Variants in TPST1 observed in about 807,000 individuals in gnomAD.
The protein encoded by TPST1 is protein-tyrosine sulfotransferase 1.
TPST1 carries 20 observed loss-of-function variants against 34.8 expected under a neutral mutation model. That is an observed-to-expected ratio of 0.57 (90% CI 0.40 to 0.84). The LOEUF (loss-of-function observed/expected upper bound fraction) is 0.84. TPST1 is among the 40% of genes least tolerant of loss of function. The pLI is 0.00. For missense variants in TPST1, 353 were observed against 455.5 expected, an observed-to-expected ratio of 0.78 and a Z score of 2.05; for synonymous variants, 152 against 159.4, an observed-to-expected ratio of 0.95 and a Z score of 0.35.
At chr7:66,218,380 A>C (rs755621794) in intron 1 of TPST1, among the ~76,000 whole-genome samples, 2 of 152,228 alleles carry the variant, frequency 1.3e-5, no homozygotes, top group African/African-American at 2.4e-5. Context: ...ATGATAAATC[A>C]TACTCATTTA....
chr7:66,251,403 A>G (rs996996933), intron 2 of TPST1, among the ~76,000 whole-genome samples: 1 of 152,192 alleles, frequency 6.6e-6, no homozygotes, highest in African/African-American at 2.4e-5. Flanking sequence ...TTTATTGTCG[A>G]ACGCTTATGC....
At chr7:66,314,382 G>T (rs532894677) in intron 3 of TPST1, among the ~76,000 whole-genome samples, 1 of 152,288 alleles carries the variant, frequency 6.6e-6, no homozygotes, top group African/African-American at 2.4e-5. Flanking sequence ...TGGACTGGTG[G>T]CATGTGCCTC....
rs945897264 is a variant in TPST1, at chr7:66,206,122, G to A, written c.-102+600G>A. Among the ~76,000 whole-genome samples, 57 of 97,556 alleles carry A rather than the reference G, an allele frequency of 5.8e-4. 1 individual carries two copies. The highest frequency in any genetic ancestry group is 8.9e-4 in the Non-Finnish European group (47 of 53,080). 64.0% of individuals were successfully genotyped at this position (97,556 alleles called of 152,430 possible). A position where few individuals can be genotyped will look rare whatever the true frequency, so the allele number is the denominator to read the frequency against. On this transcript the variant is annotated intron_variant, in intron 1 of 5. Coordinates refer to ENST00000304842, the MANE Select transcript of TPST1 (RefSeq NM_003596.4). ...CACTCTCTGCAATGCCGGATTCATCGCTTTTTTTTTTTTTTTTTTTGAGAG... is the reference window on the plus strand; with the variant it reads ...CACTCTCTGCAATGCCGGATTCATCACTTTTTTTTTTTTTTTTTTTGAGAG...
rs181621743 is a variant in TPST1, at chr7:66,263,297, G to A, written c.845+22027G>A. Among the ~76,000 whole-genome samples, 382 of 152,202 alleles carry A rather than the reference G, an allele frequency of 2.5e-3. 2 individuals are homozygous for A. Among genetic ancestry groups the A allele is most frequent in the Admixed American group, 0.021 (314 of 15,278 alleles). Reference sequence around the variant, plus strand: ...GTAGTATTGACAAAATTTAATACTAGGATCAAGATTGCTTGTGCACAAAGC... The same window carrying A: ...GTAGTATTGACAAAATTTAATACTAAGATCAAGATTGCTTGTGCACAAAGC... On this transcript the variant is annotated intron_variant, in intron 2 of 5. Transcript: ENST00000304842.
chr7:66,243,956 T>C (rs1358025551), intron 2 of TPST1, among the ~76,000 whole-genome samples: 3 of 148,390 alleles, frequency 2.0e-5, no homozygotes, highest in African/African-American at 5.0e-5. Context: ...TTTTTTTTTT[T>C]TTTTTTCTTC....
intron 3 of TPST1, among the ~76,000 whole-genome samples, chr7:66,298,140 A>G (rs1329512530): frequency 6.6e-6 from 1 of 152,186 alleles, no homozygotes; most frequent in Non-Finnish European, 1.5e-5. Context: ...AGTTGAAAAA[A>G]TATGTATTCT....
intron 2 of TPST1, among the ~76,000 whole-genome samples, chr7:66,277,914 A>G (rs769313607): frequency 2.0e-5 from 3 of 152,044 alleles, no homozygotes; most frequent in Non-Finnish European, 4.4e-5. Context: ...AGCCTGGCCA[A>G]CATGGCGAAA....
intron 3 of TPST1, among the ~76,000 whole-genome samples, chr7:66,302,767 A>G (rs934159395): frequency 6.6e-6 from 1 of 152,212 alleles, no homozygotes; most frequent in African/African-American, 2.4e-5. Context: ...GCTTTACAGA[A>G]AAGTATGAAG....
At chr7:66,253,949 T>G (rs6951503) in intron 2 of TPST1, among the ~76,000 whole-genome samples, 96,368 of 144,772 alleles carry the variant, frequency 0.67, 32,343 homozygotes, top group African/African-American at 0.76. Flanking sequence ...GTTGCAGTGA[T>G]CCAAGATTGT....
chr7:66,305,682 TC>T (rs1447511689), intron 3 of TPST1, among the ~76,000 whole-genome samples: 1 of 152,112 alleles, frequency 6.6e-6, no homozygotes, highest in Non-Finnish European at 1.5e-5. Context: ...ATGTTGTGTC[TC>T]CCCCAAAGAA....
chr7:66,341,207 A>G (rs1792229982), intron 3 of TPST1, among the ~76,000 whole-genome samples: 1 of 152,218 alleles, frequency 6.6e-6, no homozygotes, highest in Admixed American at 6.5e-5. Context: ...CCACAAAGCT[A>G]TGGTAACCAA....
At chr7:66,356,699 A>C in intron 4 of TPST1, 126 bp from the exon 5 acceptor site, 6 of 987,080 alleles carry the variant, frequency 6.1e-6, no homozygotes, top group Non-Finnish European at 7.9e-6. Flanking sequence ...ATACCACAGT[A>C]GTGCACTGAG....
chr7:66,243,940 AAT>A (rs1491235733), intron 2 of TPST1, among the ~76,000 whole-genome samples: 6 of 122,054 alleles, frequency 4.9e-5, no homozygotes, highest in African/African-American at 1.4e-4. Flanking sequence ...TATTCTGGGA[AAT>A]TTTTTTTTTT....
chr7:66,306,135 G>A (rs895574579), intron 3 of TPST1, among the ~76,000 whole-genome samples: 3 of 152,146 alleles, frequency 2.0e-5, no homozygotes, highest in African/African-American at 4.8e-5. Context: ...TGGCTGGAGT[G>A]TGCACGTCTC....
At chr7:66,234,770 G>A (rs1475304939) in intron 1 of TPST1, among the ~76,000 whole-genome samples, 3 of 152,142 alleles carry the variant, frequency 2.0e-5, no homozygotes, top group South Asian at 4.2e-4. Flanking sequence ...TCCACCTCCC[G>A]GGTTCATGCC....
chr7:66,209,528 C>T (rs1464788325), intron 1 of TPST1, among the ~76,000 whole-genome samples: 2 of 152,184 alleles, frequency 1.3e-5, no homozygotes, highest in African/African-American at 4.8e-5. Flanking sequence ...TTGCCTCAGC[C>T]ATATAAAATC....
In TPST1 at chr7:66,286,669, A is replaced by G. The variant is rs897012358; in HGVS notation, c.1004A>G (p.Tyr335Cys). 9.4e-6 allele frequency: 15 copies of G among 1,587,754 alleles called. No individual in the cohort carries two copies. The highest frequency in any genetic ancestry group is 1.2e-5 in the Non-Finnish European group (14 of 1,165,658). The change falls in exon 3 of 6, where the codon TAC becomes TGC. Residue 335 changes from tyrosine to cysteine, a missense_variant. Transcript: ENST00000304842. ...GYDPYANPPN[Y>C]GKPDPKIIEN... ...GACCCATATGCCAACCCACCTAACT[A>G]CGGAAAACCTGATCCCAAAATTATT...
intron 1 of TPST1, among the ~76,000 whole-genome samples, chr7:66,229,197 G>A (rs1465189818): frequency 2.0e-5 from 3 of 151,188 alleles, no homozygotes; most frequent in South Asian, 2.1e-4. Context: ...TGCTAGCTCC[G>A]CTTCCTAGAT....
chr7:66,315,343 G>T (rs1791611924), intron 3 of TPST1, among the ~76,000 whole-genome samples: 1 of 152,254 alleles, frequency 6.6e-6, no homozygotes, highest in Admixed American at 6.5e-5. Flanking sequence ...ACCTACAGGT[G>T]CTGTGTCTCT....
Sources: allele counts gnomAD v4.1 joint callset (sites outside exome capture counted in the v4.1 genomes callset), GRCh38; gene constraint gnomAD v4.1.1; transcripts MANE v1.5; gene names NCBI Gene and HGNC (gene_info 2026-07-23, HGNC 2026-07-21).